CSMD1: variants seen among roughly 807,000 people sequenced by gnomAD.
CSMD1 encodes CUB and Sushi multiple domains 1.
CSMD1 carries 213 observed loss-of-function variants against 417.5 expected under a neutral mutation model. That is an observed-to-expected ratio of 0.51 (90% CI 0.46 to 0.57). CSMD1 has a LOEUF of 0.57. CSMD1 is among the 20% of genes least tolerant of loss of function. The pLI is 0.00. For missense variants in CSMD1, 6,923 were observed against 4,529.7 expected (o/e 1.53, Z -15.17); for synonymous variants, 2,862 against 1,736.8 (o/e 1.65, Z -16.11).
chr8:4,641,219 C>A (rs77448767), intron 1 of CSMD1, among the ~76,000 whole-genome samples: 7,991 of 151,922 alleles, frequency 0.053, 317 homozygotes, highest in Non-Finnish European at 0.075. Context: ...TTCAAACAAA[C>A]TTCCAAGAGA....
At chr8:3,734,993 G>A (rs576194476) in intron 6 of CSMD1, among the ~76,000 whole-genome samples, 1 of 152,298 alleles carries the variant, frequency 6.6e-6, no homozygotes, top group Admixed American at 6.5e-5. Context: ...CCCCTGTGGT[G>A]TGCAAAGAGA....
At chr8:3,482,093 A>T (rs1248664009) in intron 11 of CSMD1, among the ~76,000 whole-genome samples, 1 of 152,160 alleles carries the variant, frequency 6.6e-6, no homozygotes, top group Non-Finnish European at 1.5e-5. Flanking sequence ...AAACTTAATA[A>T]CCCTTAGGAA....
chr8:3,877,846 C>A (rs189430673), intron 5 of CSMD1, among the ~76,000 whole-genome samples: 43 of 152,064 alleles, frequency 2.8e-4, no homozygotes, highest in African/African-American at 1.0e-3. Flanking sequence ...TAAATTTTGT[C>A]TAATAATGAC....
intron 3 of CSMD1, among the ~76,000 whole-genome samples, chr8:4,129,460 T>A (rs1387024401): frequency 6.6e-6 from 1 of 152,190 alleles, no homozygotes; most frequent in Non-Finnish European, 1.5e-5. Flanking sequence ...GCATGGGAGA[T>A]AAAAATTGTG....
intron 2 of CSMD1, among the ~76,000 whole-genome samples, chr8:4,583,079 G>A (rs902281902): frequency 6.6e-5 from 10 of 152,218 alleles, no homozygotes; most frequent in Admixed American, 5.2e-4. Flanking sequence ...GCAGGGCTCA[G>A]GACCTGCAGC....
At chr8:4,774,206 A>G (rs1277609605) in intron 1 of CSMD1, among the ~76,000 whole-genome samples, 1 of 152,184 alleles carries the variant, frequency 6.6e-6, no homozygotes, top group Non-Finnish European at 1.5e-5. Flanking sequence ...TCAAAAAATA[A>G]AAATAAAATA....
At chr8:4,729,045 AC>A (rs1490287465) in intron 1 of CSMD1, among the ~76,000 whole-genome samples, 1 of 152,178 alleles carries the variant, frequency 6.6e-6, no homozygotes, top group African/African-American at 2.4e-5. Flanking sequence ...AGATAAATTC[AC>A]TGATGACCTG....
rs573801497 is a variant in CSMD1, at chr8:3,521,136, T to C, written c.1345-27410A>G. ...TTCTACCAGTCACCATTCCAGTCCA[T>C]CCTACACACTGAAAATGAATGTATT... is the stretch of plus-strand genomic sequence containing the variant. On this transcript the variant is annotated intron_variant, in intron 10 of 69. Transcript: ENST00000635120. Among the ~76,000 whole-genome samples the C allele has an allele frequency of 2.7e-5, 4 of 150,202 alleles. No individual in the cohort carries two copies. In the Admixed American group the frequency reaches 2.7e-4, roughly 10 times the overall value.
chr8:3,354,881 A>ATAGATATGTCTATCTATAGATCTATCTC (rs2117681259), intron 21 of CSMD1, among the ~76,000 whole-genome samples: 2 of 150,010 alleles, frequency 1.3e-5, no homozygotes, highest in Non-Finnish European at 3.0e-5. Context: ...ACATATATCT[A>ATAGATATGTCTATCTATAGATCTATCTC]TAGATATGTC....
intron 26 of CSMD1, among the ~76,000 whole-genome samples, chr8:3,267,700 C>A (rs567113263): frequency 6.6e-6 from 1 of 152,188 alleles, no homozygotes; most frequent in African/African-American, 2.4e-5. Context: ...TATAGAGTAA[C>A]GGGCTGACAT....
chr8:4,154,021 G>A (rs780576087), intron 3 of CSMD1, among the ~76,000 whole-genome samples: 6 of 152,080 alleles, frequency 3.9e-5, no homozygotes, highest in South Asian at 4.2e-4. Context: ...ATTTTGCACC[G>A]TATTTTCAGC....
intron 5 of CSMD1, among the ~76,000 whole-genome samples, chr8:3,810,071 A>C (rs1017963721): frequency 1.3e-5 from 2 of 152,228 alleles, no homozygotes; most frequent in Admixed American, 1.3e-4. Flanking sequence ...TTTTATTATC[A>C]TGCTTGTCAC....
chr8:3,645,988 T>G (rs1227370976), intron 7 of CSMD1, among the ~76,000 whole-genome samples: 5 of 152,056 alleles, frequency 3.3e-5, no homozygotes, highest in Admixed American at 1.3e-4. Context: ...TAGCTATAAT[T>G]GTATTTATCG....
intron 21 of CSMD1, among the ~76,000 whole-genome samples, chr8:3,356,607 A>G (rs1808809670): frequency 6.6e-6 from 1 of 152,200 alleles, no homozygotes; most frequent in Non-Finnish European, 1.5e-5. Flanking sequence ...CCTGGGAGGC[A>G]GAGGTTGCAT....
chr8:4,339,248 C>G (rs184713810), intron 3 of CSMD1, among the ~76,000 whole-genome samples: 123 of 152,260 alleles, frequency 8.1e-4, no homozygotes, highest in African/African-American at 2.7e-3. Context: ...TAGTTATGGT[C>G]TTGGCCAGAG....
intron 1 of CSMD1, among the ~76,000 whole-genome samples, chr8:4,862,082 C>T (rs1802169829): frequency 6.6e-6 from 1 of 151,990 alleles, no homozygotes. Context: ...GGAATGGCGT[C>T]TTCTGATCCA....
chr8:3,834,030 G>C (rs1003630908), intron 5 of CSMD1, among the ~76,000 whole-genome samples: 2 of 152,046 alleles, frequency 1.3e-5, no homozygotes, highest in Non-Finnish European at 2.9e-5. Flanking sequence ...TTTAACTCTT[G>C]ACACGGTCAC....
At chr8:4,549,915 A>AAG (rs1797795613) in intron 2 of CSMD1, among the ~76,000 whole-genome samples, 1 of 150,780 alleles carries the variant, frequency 6.6e-6, no homozygotes, top group Non-Finnish European at 1.5e-5. Context: ...AAAAAAAAAA[A>AAG]AAAAAGAAAA....
intron 3 of CSMD1, among the ~76,000 whole-genome samples, chr8:4,224,305 G>C (rs992954711): frequency 6.6e-6 from 1 of 152,094 alleles, no homozygotes; most frequent in Non-Finnish European, 1.5e-5. Context: ...AAAACATTAA[G>C]ATATTTTAAC....
Sources: gnomAD v4.1 joint callset for allele counts (sites outside exome capture counted in the v4.1 genomes callset) on GRCh38, gnomAD v4.1.1 for gene constraint, MANE v1.5 for transcripts, NCBI Gene and HGNC (gene_info 2026-07-23, HGNC 2026-07-21) for gene names.